UBE3A: variants seen among roughly 807,000 people sequenced by gnomAD.
The protein encoded by UBE3A is ubiquitin-protein ligase E3A.
A neutral mutation model predicts 83.4 loss-of-function variants in UBE3A; 6 were observed. The observed-to-expected ratio is 0.07, with a 90% CI of 0.04 to 0.14. The LOEUF (loss-of-function observed/expected upper bound fraction) is 0.14. UBE3A is among the 10% of genes least tolerant of loss of function. The pLI, the probability that UBE3A is intolerant of heterozygous loss-of-function variation, is 1.00. For missense variants in UBE3A, 456 were observed against 1,036.1 expected (o/e 0.44, Z 7.69); for synonymous variants, 337 against 355.4 (o/e 0.95, Z 0.58).
intron 1 of UBE3A, among the ~76,000 whole-genome samples, chr15:25,436,540 A>AT (rs1458145593): frequency 6.6e-6 from 1 of 152,116 alleles, no homozygotes; most frequent in East Asian, 1.9e-4. Context: ...TACACAGTAA[A>AT]TTTTTTTGGA....
At chr15:25,435,949 G>C (rs1037003087) in intron 1 of UBE3A, among the ~76,000 whole-genome samples, 4 of 152,176 alleles carry the variant, frequency 2.6e-5, no homozygotes, top group African/African-American at 9.7e-5. Flanking sequence ...AATACTTATT[G>C]AGTGCCTACG....
At chr15:25,358,670 A>C (rs2077577595) in intron 7 of UBE3A, among the ~76,000 whole-genome samples, 1 of 152,184 alleles carries the variant, frequency 6.6e-6, no homozygotes, top group Non-Finnish European at 1.5e-5. Flanking sequence ...AAATCTTTGA[A>C]AATGTCATTG....
intron 1 of UBE3A, among the ~76,000 whole-genome samples, chr15:25,435,330 G>C (rs1447886794): frequency 6.6e-6 from 1 of 152,100 alleles, no homozygotes; most frequent in Non-Finnish European, 1.5e-5. Context: ...TGTGGGTCCT[G>C]TACTTAGCTC....
intron 4 of UBE3A, chr15:25,393,840 C>T (rs2084939534): frequency 6.6e-6 from 1 of 152,192 alleles, no homozygotes; most frequent in South Asian, 2.1e-4. Context: ...CACGTGATGC[C>T]TTTCATGGGC....
intron 4 of UBE3A, among the ~76,000 whole-genome samples, chr15:25,384,991 A>C (rs1243978039): frequency 6.6e-6 from 1 of 152,228 alleles, no homozygotes; most frequent in Non-Finnish European, 1.5e-5. Flanking sequence ...AAAACATCGA[A>C]TTATAAAACT....
chr15:25,339,994 T>C (rs1235238308), intron 12 of UBE3A, 91 bp downstream of exon 12: 1 of 1,513,592 alleles, frequency 6.6e-7, no homozygotes, highest in Non-Finnish European at 9.2e-7. Context: ...ATCACGAATG[T>C]GCTCAGAAAC....
At chr15:25,382,493 A>G (rs906220579) in intron 4 of UBE3A, among the ~76,000 whole-genome samples, 1 of 152,060 alleles carries the variant, frequency 6.6e-6, no homozygotes, top group Non-Finnish European at 1.5e-5. Context: ...TTAGAAAGGA[A>G]GAAAAACCTT....
chr15:25,369,016 T>C (rs988170843), intron 6 of UBE3A, among the ~76,000 whole-genome samples: 17 of 152,156 alleles, frequency 1.1e-4, no homozygotes, highest in African/African-American at 4.1e-4. Context: ...ATAAAGTATG[T>C]AGCTTTGGCA....
At chr15:25,419,492 ACC>A (rs1318897362) in intron 1 of UBE3A, 2 of 152,144 alleles carry the variant, frequency 1.3e-5, no homozygotes, top group Non-Finnish European at 2.9e-5. Context: ...TAGCCAGTAG[ACC>A]TATACTTTAG....
intron 2 of UBE3A, among the ~76,000 whole-genome samples, chr15:25,410,095 T>C (rs1356529566): frequency 2.0e-5 from 3 of 152,104 alleles, no homozygotes; most frequent in African/African-American, 7.3e-5. Flanking sequence ...TATACATATG[T>C]AACTAACCTG....
At chr15:25,354,205 A>T in intron 11 of UBE3A, 148 bp downstream of exon 11, 2 of 710,496 alleles carry the variant, frequency 2.8e-6, no homozygotes, top group Non-Finnish European at 4.9e-6. Flanking sequence ...AAAAATGGTG[A>T]TTATATTACA....
chr15:25,384,076 T>A (rs982158892), intron 4 of UBE3A, among the ~76,000 whole-genome samples: 1 of 152,162 alleles, frequency 6.6e-6, no homozygotes, highest in Non-Finnish European at 1.5e-5. Context: ...AGGAAATTAA[T>A]TTTTTAAACC....
At chr15:25,352,079 C>T (rs1029723046) in intron 11 of UBE3A, among the ~76,000 whole-genome samples, 1 of 152,110 alleles carries the variant, frequency 6.6e-6, no homozygotes, top group African/African-American at 2.4e-5. Flanking sequence ...CCTGTAACCC[C>T]AGCTACTCAG....
intron 1 of UBE3A, among the ~76,000 whole-genome samples, chr15:25,435,403 T>C (rs1894774483): frequency 1.3e-5 from 2 of 152,142 alleles, no homozygotes; most frequent in South Asian, 4.1e-4. Flanking sequence ...GATTTACCAA[T>C]AACCAATTCA....
At chr15:25,411,000 T>C (rs1457094133) in intron 2 of UBE3A, among the ~76,000 whole-genome samples, 1 of 152,220 alleles carries the variant, frequency 6.6e-6, no homozygotes, top group African/African-American at 2.4e-5. Context: ...TATCTTTTAA[T>C]TGACTAATTG....
At chr15:25,361,602 T>G (rs1190248860) in intron 6 of UBE3A, among the ~76,000 whole-genome samples, 1 of 152,086 alleles carries the variant, frequency 6.6e-6, no homozygotes, top group Non-Finnish European at 1.5e-5. Context: ...TTTTGTTTGT[T>G]TTACTTTATG....
At chr15:25,388,060 T>C (rs2083504019) in intron 4 of UBE3A, among the ~76,000 whole-genome samples, 2 of 152,220 alleles carry the variant, frequency 1.3e-5, no homozygotes, top group Non-Finnish European at 2.9e-5. Context: ...ACCAGTTCTC[T>C]ACAATCTCCT....
At chr15:25,393,101 A>G (rs544429515) in intron 4 of UBE3A, among the ~76,000 whole-genome samples, 9 of 152,304 alleles carry the variant, frequency 5.9e-5, no homozygotes, top group Admixed American at 2.0e-4. Context: ...AATAACTGAA[A>G]CCAAAGTGGG....
intron 3 of UBE3A, chr15:25,407,346 A>G: frequency 1.1e-6 from 1 of 891,794 alleles, no homozygotes; most frequent in Non-Finnish European, 1.4e-6. Context: ...GAAGAGAGGG[A>G]AAAAATGAGG....
Sources: gnomAD v4.1 joint callset for allele counts (sites outside exome capture counted in the v4.1 genomes callset) on GRCh38, gnomAD v4.1.1 for gene constraint, MANE v1.5 for transcripts, NCBI Gene and HGNC (gene_info 2026-07-23, HGNC 2026-07-21) for gene names.